ADCY2: variants seen among roughly 807,000 people sequenced by gnomAD.
ADCY2 encodes adenylate cyclase type 2.
Under a neutral mutation model 125.2 loss-of-function variants are expected in ADCY2, and 31 were observed. The ratio of observed to expected loss-of-function variants is 0.25; its 90% CI spans 0.19 to 0.33. The LOEUF is 0.33. ADCY2 is among the 10% of genes least tolerant of loss of function. The pLI, the probability that ADCY2 is intolerant of heterozygous loss-of-function variation, is 1.00. For missense variants in ADCY2, 904 were observed against 1,418.2 expected, an observed-to-expected ratio of 0.64 and a Z score of 5.82; for synonymous variants, 512 against 548.4, an observed-to-expected ratio of 0.93 and a Z score of 0.93.
intron 19 of ADCY2, 94 bp downstream of exon 19, chr5:7,784,543 A>G: frequency 1.1e-6 from 1 of 874,570 alleles, no homozygotes; most frequent in Non-Finnish European, 1.8e-6. Context: ...CTTCTTGGAA[A>G]CAAACGTCTA....
chr5:7,478,036 A>G (rs1272717779), intron 2 of ADCY2, among the ~76,000 whole-genome samples: 2 of 152,210 alleles, frequency 1.3e-5, no homozygotes, highest in African/African-American at 4.8e-5. Flanking sequence ...CTGACTGACT[A>G]AATGAATATA....
At chr5:7,595,673 AC>A (rs1736982141) in intron 3 of ADCY2, among the ~76,000 whole-genome samples, 1 of 151,776 alleles carries the variant, frequency 6.6e-6, no homozygotes, top group South Asian at 2.1e-4. Flanking sequence ...TTGTTACCAG[AC>A]CCCCCACCTC....
At chr5:7,726,183 T>G (rs1354775243) in intron 13 of ADCY2, among the ~76,000 whole-genome samples, 1 of 151,654 alleles carries the variant, frequency 6.6e-6, no homozygotes, top group Admixed American at 6.6e-5. Flanking sequence ...TTTCAGGAGG[T>G]TTCAATGGCA....
At chr5:7,498,799 A>G (rs955629595) in intron 2 of ADCY2, among the ~76,000 whole-genome samples, 2 of 152,212 alleles carry the variant, frequency 1.3e-5, no homozygotes, top group Non-Finnish European at 2.9e-5. Flanking sequence ...GAACAATGAA[A>G]TAAAGTGTGC....
intron 4 of ADCY2, among the ~76,000 whole-genome samples, chr5:7,658,403 G>GTGTGTGTGTA (rs1739412934): frequency 7.3e-6 from 1 of 137,508 alleles, no homozygotes; most frequent in African/African-American, 2.6e-5. Context: ...AGAGAATTGT[G>GTGTGTGTGTA]TGTGTGTGTG....
At chr5:7,524,179 C>T (rs982574231) in intron 3 of ADCY2, among the ~76,000 whole-genome samples, 5 of 152,108 alleles carry the variant, frequency 3.3e-5, no homozygotes, top group African/African-American at 9.7e-5. Flanking sequence ...GATGGTATTC[C>T]TTAACACATT....
At chr5:7,506,487 A>G (rs1294100183) in intron 2 of ADCY2, among the ~76,000 whole-genome samples, 1 of 152,206 alleles carries the variant, frequency 6.6e-6, no homozygotes, top group African/African-American at 2.4e-5. Flanking sequence ...ATAAATAAAA[A>G]TGAAGGCCAT....
chr5:7,584,780 A>C (rs1168498672), intron 3 of ADCY2, among the ~76,000 whole-genome samples: 1 of 152,138 alleles, frequency 6.6e-6, no homozygotes, highest in Non-Finnish European at 1.5e-5. Context: ...TTTTACAAAT[A>C]TATACAATAC....
intron 3 of ADCY2, among the ~76,000 whole-genome samples, chr5:7,554,229 A>AT (rs1735434181): frequency 6.6e-6 from 1 of 152,194 alleles, no homozygotes; most frequent in Admixed American, 6.5e-5. Context: ...TTAAATTTAG[A>AT]TTTTCTTTCA....
intron 2 of ADCY2, among the ~76,000 whole-genome samples, chr5:7,470,525 T>C (rs1579476143): frequency 6.7e-6 from 1 of 148,292 alleles, no homozygotes; most frequent in East Asian, 1.9e-4. Flanking sequence ...TATATGAAAC[T>C]ATATACATAT....
intron 3 of ADCY2, among the ~76,000 whole-genome samples, chr5:7,582,879 A>G (rs984737174): frequency 1.3e-5 from 2 of 152,140 alleles, no homozygotes; most frequent in Admixed American, 1.3e-4. Flanking sequence ...CCAGAAAGAA[A>G]ATGGCATAAA....
intron 1 of ADCY2, among the ~76,000 whole-genome samples, chr5:7,408,443 C>T (rs1348192491): frequency 1.3e-5 from 2 of 152,080 alleles, no homozygotes; most frequent in Non-Finnish European, 2.9e-5. Flanking sequence ...TCTCGGCTCA[C>T]TGCAACCTCC....
At chr5:7,805,179 A>C (rs1744719245) in intron 22 of ADCY2, among the ~76,000 whole-genome samples, 1 of 150,958 alleles carries the variant, frequency 6.6e-6, no homozygotes, top group South Asian at 2.1e-4. Flanking sequence ...AAAAATAGCC[A>C]GGTGTGGTAG....
intron 23 of ADCY2, among the ~76,000 whole-genome samples, chr5:7,819,921 G>C (rs1745243268): frequency 6.6e-6 from 1 of 152,162 alleles, no homozygotes; most frequent in Non-Finnish European, 1.5e-5. Context: ...CCCACCCCCA[G>C]AGCTGCTGAC....
intron 8 of ADCY2, 66 bp downstream of exon 8, chr5:7,706,968 C>A: frequency 6.3e-7 from 1 of 1,584,966 alleles, no homozygotes; most frequent in Non-Finnish European, 8.6e-7. Context: ...AGATTATCAG[C>A]CTAATGACGG....
At chr5:7,627,795 C>A (rs1221714958) in intron 4 of ADCY2, among the ~76,000 whole-genome samples, 1 of 152,164 alleles carries the variant, frequency 6.6e-6, no homozygotes, top group Non-Finnish European at 1.5e-5. Flanking sequence ...TTCATTCATT[C>A]AACAAATATT....
At chr5:7,490,011 T>C (rs1332767056) in intron 2 of ADCY2, among the ~76,000 whole-genome samples, 1 of 152,106 alleles carries the variant, frequency 6.6e-6, no homozygotes, top group Non-Finnish European at 1.5e-5. Context: ...TAACATTTCA[T>C]TTAATGCAGA....
intron 3 of ADCY2, among the ~76,000 whole-genome samples, chr5:7,536,767 C>T (rs767518230): frequency 6.1e-5 from 9 of 147,634 alleles, no homozygotes; most frequent in African/African-American, 7.6e-5. Flanking sequence ...AAGTGGGAGT[C>T]GAACAAGGAG....
At chr5:7,479,127 T>C (rs982971378) in intron 2 of ADCY2, among the ~76,000 whole-genome samples, 1 of 152,120 alleles carries the variant, frequency 6.6e-6, no homozygotes, top group African/African-American at 2.4e-5. Context: ...TATACTTGAT[T>C]CATGAATTAT....
Sources: allele counts gnomAD v4.1 joint callset (sites outside exome capture counted in the v4.1 genomes callset), GRCh38; gene constraint gnomAD v4.1.1; transcripts MANE v1.5; gene names NCBI Gene and HGNC (gene_info 2026-07-23, HGNC 2026-07-21).